The following EPHA5 variants were observed in gnomAD, a reference collection of about 807,000 sequenced individuals.
EPHA5 encodes EPH receptor A5.
A neutral mutation model predicts 105.0 loss-of-function variants in EPHA5; 60 were observed. The observed-to-expected ratio is 0.57, with a 90% CI of 0.46 to 0.71. The LOEUF (loss-of-function observed/expected upper bound fraction) is 0.71, where lower values mean the gene tolerates loss of function less well. EPHA5 is among the 30% of genes least tolerant of loss of function. The pLI, the probability that EPHA5 is intolerant of heterozygous loss-of-function variation, is 0.00. For synonymous variants in EPHA5, 513 were observed against 449.1 expected, an observed-to-expected ratio of 1.14 and a Z score of -1.80; for missense variants, 1,218 against 1,274.7, an observed-to-expected ratio of 0.96 and a Z score of 0.68.
At chr4:65,565,821 A>T (rs1739477952) in intron 3 of EPHA5, among the ~76,000 whole-genome samples, 1 of 151,788 alleles carries the variant, frequency 6.6e-6, no homozygotes, top group African/African-American at 2.4e-5. Flanking sequence ...ATTAATTTAA[A>T]TTAAAACTGT....
intron 7 of EPHA5, among the ~76,000 whole-genome samples, chr4:65,407,025 T>C (rs920130725): frequency 3.9e-5 from 6 of 152,088 alleles, no homozygotes; most frequent in Non-Finnish European, 2.9e-5. Flanking sequence ...ACCTATTTGA[T>C]TCAAATCTGT....
In EPHA5 at chr4:65,490,516, C is replaced by A. The variant is rs773391802; in HGVS notation, c.1263G>T (p.Leu421=). ...CCACCATCATGACAGAGGTGTTTTT[C>A]AGGCCGCTTTGCCGGGGAAGGTACC... ...HVRYLPRQSG[L]KNTSVMMVDL... The change falls in exon 5 of 17, where the codon CTG becomes CTT. Residue 421 remains leucine, a synonymous_variant. Transcript: ENST00000613740. 1 of 1,614,156 alleles carries A rather than the reference C, an allele frequency of 6.2e-7. No individual in the cohort carries two copies. The highest frequency in any genetic ancestry group is 1.7e-5 in the Admixed American group (1 of 60,010).
chr4:65,398,200 G>C (rs1256287452), intron 8 of EPHA5, among the ~76,000 whole-genome samples: 2 of 152,158 alleles, frequency 1.3e-5, no homozygotes, highest in East Asian at 3.9e-4. Context: ...CCCTGCTCCT[G>C]GTGCCCACTC....
Position 65,650,914 on chromosome 4 carries a change from G to A in EPHA5, c.182-7487C>T, listed in dbSNP as rs116277451. ...TAATATTCTTATTATTTTGACACAA[G>A]TCCTTCCAGGGTTTTTCTTTTCCAG... is the stretch of plus-strand genomic sequence containing the variant. On this transcript the variant is annotated intron_variant, in intron 1 of 16. Transcript: ENST00000613740. 7.0e-3 allele frequency among the ~76,000 whole-genome samples: 1,068 copies of A among 152,148 alleles called. 16 individuals carry two copies. Among genetic ancestry groups the A allele is most frequent in the African/African-American group, 0.024 (1,003 of 41,510 alleles).
intron 8 of EPHA5, among the ~76,000 whole-genome samples, chr4:65,368,674 T>C (rs913065865): frequency 2.0e-5 from 3 of 152,212 alleles, no homozygotes; most frequent in Non-Finnish European, 2.9e-5. Flanking sequence ...AATTACAGTA[T>C]ATAAGATGCT....
At chr4:65,489,486 GAGTTGT>G (rs1560598568) in intron 5 of EPHA5, among the ~76,000 whole-genome samples, 1 of 152,172 alleles carries the variant, frequency 6.6e-6, no homozygotes. Context: ...TTTGGACTGA[GAGTTGT>G]AGTCAGTTGA....
chr4:65,331,766 G>A (rs1720640574), intron 16 of EPHA5: 1 of 1,237,568 alleles, frequency 8.1e-7, no homozygotes, highest in Admixed American at 4.2e-5. Flanking sequence ...AATGTTATTT[G>A]TTTGAAGCAA....
At chr4:65,418,077 T>C (rs934847959) in intron 6 of EPHA5, among the ~76,000 whole-genome samples, 2 of 152,162 alleles carry the variant, frequency 1.3e-5, no homozygotes, top group Non-Finnish European at 2.9e-5. Flanking sequence ...TTATTGCATC[T>C]CAGATAGTCA....
chr4:65,472,045 G>T (rs1442412449), intron 5 of EPHA5, among the ~76,000 whole-genome samples: 1 of 152,160 alleles, frequency 6.6e-6, no homozygotes, highest in African/African-American at 2.4e-5. Flanking sequence ...CTAGGAGGCT[G>T]TAAAATCAAA....
intron 3 of EPHA5, among the ~76,000 whole-genome samples, chr4:65,504,717 C>A (rs771784719): frequency 6.6e-6 from 1 of 151,836 alleles, no homozygotes; most frequent in Non-Finnish European, 1.5e-5. Context: ...TATCGTAAAT[C>A]ACAATATTAC....
At chr4:65,542,101 T>G (rs1021395244) in intron 3 of EPHA5, among the ~76,000 whole-genome samples, 4 of 151,726 alleles carry the variant, frequency 2.6e-5, no homozygotes, top group African/African-American at 9.7e-5. Flanking sequence ...AAGAGGGAAA[T>G]TTACAGCACT....
At chr4:65,392,606 T>G (rs1187236655) in intron 8 of EPHA5, among the ~76,000 whole-genome samples, 1 of 152,096 alleles carries the variant, frequency 6.6e-6, no homozygotes, top group East Asian at 1.9e-4. Context: ...AGAAATAAAA[T>G]CAAAAGCTAG....
rs562596461 is a variant in EPHA5, at chr4:65,637,420, G to C, written c.246+5943C>G. 7.3e-5 allele frequency among the ~76,000 whole-genome samples: 11 copies of C among 151,502 alleles called. 1 individual carries two copies. In the South Asian group the frequency reaches 2.1e-3, roughly 29 times the overall value. On this transcript the variant is annotated intron_variant, in intron 2 of 16. Coordinates refer to ENST00000613740, the MANE Select transcript of EPHA5 (RefSeq NM_001281766.3). ...CTCTCCTATATGGCAGTTTTACTCA[G>C]CTTTGGACTATTCAAGCTATGAAAG...
intron 3 of EPHA5, among the ~76,000 whole-genome samples, chr4:65,586,814 A>T (rs1414355585): frequency 6.6e-6 from 1 of 152,078 alleles, no homozygotes; most frequent in Non-Finnish European, 1.5e-5. Flanking sequence ...TATTGTAAGG[A>T]TTAAATTCTT....
At chr4:65,634,219 T>C (rs562982847) in intron 2 of EPHA5, among the ~76,000 whole-genome samples, 3 of 152,206 alleles carry the variant, frequency 2.0e-5, no homozygotes, top group African/African-American at 7.2e-5. Context: ...TTTGAGAACT[T>C]CTAAAGAATA....
intron 8 of EPHA5, among the ~76,000 whole-genome samples, chr4:65,379,709 T>A (rs1454238671): frequency 6.6e-6 from 1 of 151,688 alleles, no homozygotes; most frequent in Non-Finnish European, 1.5e-5. Context: ...TTTTCATAAT[T>A]GATATGACAT....
intron 1 of EPHA5, among the ~76,000 whole-genome samples, chr4:65,654,345 G>A (rs962884048): frequency 1.3e-5 from 2 of 151,606 alleles, no homozygotes; most frequent in Admixed American, 6.6e-5. Flanking sequence ...GGACGAGAAA[G>A]TCCAACTTAC....
At chr4:65,576,108 GAAAAGAA>G (rs1560721591) in intron 3 of EPHA5, among the ~76,000 whole-genome samples, 3,526 of 64,924 alleles carry the variant, frequency 0.054, 157 homozygotes, top group Non-Finnish European at 0.064. Flanking sequence ...GAAAAGAAAA[GAAAAGAA>G]AAAAGAAAAG....
intron 3 of EPHA5, among the ~76,000 whole-genome samples, chr4:65,504,616 C>G (rs548800404): frequency 6.6e-6 from 1 of 151,806 alleles, no homozygotes. Context: ...GTCTCCATCT[C>G]GACAATGCGG....
Sources: allele counts gnomAD v4.1 joint callset (sites outside exome capture counted in the v4.1 genomes callset), GRCh38; gene constraint gnomAD v4.1.1; transcripts MANE v1.5; gene names NCBI Gene and HGNC (gene_info 2026-07-23, HGNC 2026-07-21).